RANBP17: variants seen among roughly 807,000 people sequenced by gnomAD.
The protein encoded by RANBP17 is ran-binding protein 17.
A neutral mutation model predicts 141.2 loss-of-function variants in RANBP17; 158 were observed. That is an observed-to-expected ratio of 1.12 (90% CI 0.98 to 1.28). The LOEUF (loss-of-function observed/expected upper bound fraction) is 1.28. Among genes scored for constraint, RANBP17 ranks in the 50% most tolerant of loss-of-function variants. The probability of loss-of-function intolerance (pLI) is 0.00; values close to 1 mark genes in which losing one functional copy is unlikely to be tolerated. For synonymous variants in RANBP17, 430 were observed against 450.0 expected, an observed-to-expected ratio of 0.96 and a Z score of 0.56; for missense variants, 1,438 against 1,290.7, an observed-to-expected ratio of 1.11 and a Z score of -1.75.
At chr5:171,126,902 G>T (rs1425510370) in intron 14 of RANBP17, among the ~76,000 whole-genome samples, 1 of 152,220 alleles carries the variant, frequency 6.6e-6, no homozygotes, top group Middle Eastern at 3.4e-3. Flanking sequence ...TTATAAAGAT[G>T]ATCTAATATC....
At position 171,120,846 on chromosome 5, in the gene RANBP17, T is replaced by C. The variant is rs528557119; in HGVS notation, c.1711-49284T>C. ...GGTTTCAAAATTGCCTCTTCCAATT[T>C]TATTAAGTCGGTTTGACAGACAATG... On this transcript the variant is annotated intron_variant, in intron 14 of 27. Coordinates refer to ENST00000523189, the MANE Select transcript of RANBP17 (RefSeq NM_022897.5). Among the ~76,000 whole-genome samples the C allele has an allele frequency of 2.0e-5, 3 of 152,344 alleles. No individual in the cohort carries two copies. The East Asian group carries it at 5.8e-4, about 29-fold the overall frequency.
chr5:170,910,383 G>T, intron 6 of RANBP17: 1 of 152,384 alleles, frequency 6.6e-6, no homozygotes, highest in Admixed American at 6.6e-5. Context: ...TCAATTCTTT[G>T]GTTTAGTAAC....
intron 24 of RANBP17, among the ~76,000 whole-genome samples, chr5:171,259,184 T>C (rs953347737): frequency 6.6e-6 from 1 of 152,118 alleles, no homozygotes; most frequent in African/African-American, 2.4e-5. Flanking sequence ...ATCTTACCCC[T>C]GTCAGAATGG....
intron 14 of RANBP17, among the ~76,000 whole-genome samples, chr5:171,003,611 G>A (rs961098875): frequency 1.3e-5 from 2 of 152,190 alleles, no homozygotes; most frequent in African/African-American, 4.8e-5. Context: ...TGAAGGAGCA[G>A]GAGGGTGTCC....
chr5:170,875,632 C>T (rs536212213), intron 1 of RANBP17, among the ~76,000 whole-genome samples: 3 of 152,216 alleles, frequency 2.0e-5, no homozygotes, highest in African/African-American at 7.2e-5. Flanking sequence ...ACAAAGTTCT[C>T]GTGCTGTGTT....
intron 21 of RANBP17, among the ~76,000 whole-genome samples, chr5:171,216,558 C>T (rs1392782451): frequency 6.6e-6 from 1 of 152,068 alleles, no homozygotes; most frequent in Non-Finnish European, 1.5e-5. Flanking sequence ...AATGTTTTTC[C>T]ATTTGTTTGT....
chr5:170,972,973 A>C (rs1777101092), intron 14 of RANBP17, among the ~76,000 whole-genome samples: 1 of 152,126 alleles, frequency 6.6e-6, no homozygotes, highest in Non-Finnish European at 1.5e-5. Context: ...CTTATGATGA[A>C]ACTTTGCCTA....
chr5:171,082,731 CAT>C (rs1462966887), intron 14 of RANBP17, among the ~76,000 whole-genome samples: 2 of 152,104 alleles, frequency 1.3e-5, no homozygotes, highest in Non-Finnish European at 2.9e-5. Context: ...TTTTAGTTAA[CAT>C]ATGTGAAAGA....
intron 14 of RANBP17, among the ~76,000 whole-genome samples, chr5:171,052,608 C>T (rs1010889168): frequency 9.2e-5 from 14 of 152,100 alleles, no homozygotes; most frequent in Admixed American, 3.3e-4. Context: ...TATTATCACA[C>T]GGTTTTGGTT....
intron 22 of RANBP17, among the ~76,000 whole-genome samples, chr5:171,230,425 C>T (rs564953823): frequency 3.2e-4 from 48 of 152,248 alleles, no homozygotes; most frequent in African/African-American, 9.1e-4. Context: ...CAGTGAGAGA[C>T]GCCCAGTTAG....
At chr5:170,937,306 T>C (rs1314158745) in intron 12 of RANBP17, among the ~76,000 whole-genome samples, 1 of 152,208 alleles carries the variant, frequency 6.6e-6, no homozygotes, top group Non-Finnish European at 1.5e-5. Flanking sequence ...TTCTGTCTTG[T>C]CTTTCTGTTT....
intron 3 of RANBP17, 116 bp from the exon 4 acceptor site, chr5:170,892,271 T>G (rs768468874): frequency 3.5e-6 from 3 of 849,060 alleles, no homozygotes; most frequent in African/African-American, 1.7e-5. Context: ...ATGCATTAGG[T>G]ATTTGTCCTA....
intron 14 of RANBP17, among the ~76,000 whole-genome samples, chr5:171,003,815 A>G (rs1779389253): frequency 6.6e-6 from 1 of 152,176 alleles, no homozygotes; most frequent in South Asian, 2.1e-4. Context: ...GCGTCAGGCC[A>G]GGTAAAAGCA....
chr5:171,033,060 C>A (rs866005485), intron 14 of RANBP17, among the ~76,000 whole-genome samples: 2 of 147,544 alleles, frequency 1.4e-5, no homozygotes, highest in East Asian at 2.0e-4. Flanking sequence ...CCCCCACCCC[C>A]ACCCCCAATT....
chr5:170,895,198 A>T (rs1212606207), intron 4 of RANBP17, among the ~76,000 whole-genome samples: 1 of 152,258 alleles, frequency 6.6e-6, no homozygotes, highest in Non-Finnish European at 1.5e-5. Flanking sequence ...GAATTTAATT[A>T]CATCCAGTGA....
intron 25 of RANBP17, among the ~76,000 whole-genome samples, chr5:171,281,153 G>A (rs1215179068): frequency 6.6e-6 from 1 of 152,114 alleles, no homozygotes; most frequent in African/African-American, 2.4e-5. Flanking sequence ...CACTCCCTCA[G>A]CCTAGTCTGT....
intron 14 of RANBP17, among the ~76,000 whole-genome samples, chr5:170,984,114 G>C (rs1414782618): frequency 6.6e-6 from 1 of 152,076 alleles, no homozygotes; most frequent in African/African-American, 2.4e-5. Flanking sequence ...TAGGAAGTCT[G>C]GGAAAGCAGA....
intron 12 of RANBP17, among the ~76,000 whole-genome samples, chr5:170,927,530 A>C (rs1053869702): frequency 1.3e-5 from 2 of 152,064 alleles, no homozygotes; most frequent in African/African-American, 4.8e-5. Context: ...TTGTAAATGA[A>C]CAATTCATTT....
intron 14 of RANBP17, among the ~76,000 whole-genome samples, chr5:171,159,917 CAAAA>C (rs1175963382): frequency 2.4e-5 from 1 of 41,512 alleles, no homozygotes; most frequent in Non-Finnish European, 5.3e-5. Flanking sequence ...GACTCCATCT[CAAAA>C]AAAAAAAAAA....
Sources: gnomAD v4.1 joint callset for allele counts (sites outside exome capture counted in the v4.1 genomes callset) on GRCh38, gnomAD v4.1.1 for gene constraint, MANE v1.5 for transcripts, NCBI Gene and HGNC (gene_info 2026-07-23, HGNC 2026-07-21) for gene names.